SAMD5: variants seen among roughly 807,000 people sequenced by gnomAD.
SAMD5 encodes the protein sterile alpha motif domain containing 5, also known as sterile alpha motif domain-containing protein 5.
A neutral mutation model predicts 11.3 loss-of-function variants in SAMD5; 13 were observed. The ratio of observed to expected loss-of-function variants is 1.15; its 90% confidence interval spans 0.75 to 1.83. The LOEUF (loss-of-function observed/expected upper bound fraction) is 1.83. SAMD5 is among the 40% of genes most tolerant of loss of function. The probability of loss-of-function intolerance (pLI) is 0.00; values close to 1 mark genes in which losing one functional copy is unlikely to be tolerated. For missense variants in SAMD5, 255 were observed against 239.1 expected (o/e 1.07, Z -0.44); for synonymous variants, 129 against 111.3 (o/e 1.16, Z -1.00).
intron 1 of SAMD5, among the ~76,000 whole-genome samples, chr6:147,649,229 T>C (rs1246221050): frequency 1.3e-5 from 2 of 152,162 alleles, no homozygotes; most frequent in Admixed American, 6.6e-5. Flanking sequence ...TTTAGTTTTG[T>C]TTTTCATGGA....
At chr6:147,939,098 T>C in the SAMD5 span, among the ~76,000 whole-genome samples, 1 of 152,164 alleles carries the variant, frequency 6.6e-6, no homozygotes, top group African/African-American at 2.4e-5. Context: ...GTAGACACTT[T>C]ACTTACCATT....
chr6:147,946,259 A>G, the SAMD5 span, among the ~76,000 whole-genome samples: 3 of 152,148 alleles, frequency 2.0e-5, no homozygotes, highest in Non-Finnish European at 4.4e-5. Context: ...TCCCTCTACC[A>G]TCTTGATGTG....
At chr6:147,670,901 C>G (rs1054440730) in intron 1 of SAMD5, among the ~76,000 whole-genome samples, 4 of 152,230 alleles carry the variant, frequency 2.6e-5, no homozygotes, top group African/African-American at 9.6e-5. Flanking sequence ...TCGCATCTTT[C>G]CTGTTTGGCA....
intron 1 of SAMD5, among the ~76,000 whole-genome samples, chr6:147,620,852 G>A (rs1402552740): frequency 6.6e-6 from 1 of 152,098 alleles, no homozygotes; most frequent in African/African-American, 2.4e-5. Flanking sequence ...TGTTGGGACT[G>A]TGTTTGAGGA....
intron 1 of SAMD5, among the ~76,000 whole-genome samples, chr6:147,622,783 G>T (rs971276724): frequency 1.3e-5 from 2 of 152,092 alleles, no homozygotes; most frequent in African/African-American, 2.4e-5. Context: ...CCCAAGACAG[G>T]GTAATTTATA....
the SAMD5 span, among the ~76,000 whole-genome samples, chr6:147,753,560 A>G: frequency 6.6e-6 from 1 of 152,138 alleles, no homozygotes; most frequent in Non-Finnish European, 1.5e-5. Flanking sequence ...TGAGTTACAA[A>G]CAATCCAATT....
At chr6:147,572,648 A>C (rs1307405939), downstream of SAMD5, among the ~76,000 whole-genome samples, 1 of 152,152 alleles carries the variant, frequency 6.6e-6, no homozygotes, top group East Asian at 1.9e-4. Flanking sequence ...ATATATTCCT[A>C]CTGTGAATTA....
chr6:147,529,014 T>C (rs74602109), intron 1 of SAMD5, among the ~76,000 whole-genome samples: 10,063 of 152,282 alleles, frequency 0.066, 926 homozygotes, highest in African/African-American at 0.21. Flanking sequence ...TGTTTCCTTA[T>C]AGATAAATCT....
At chr6:147,681,434 C>T (rs1426148944) in intron 1 of SAMD5, among the ~76,000 whole-genome samples, 1 of 151,746 alleles carries the variant, frequency 6.6e-6, no homozygotes, top group Non-Finnish European at 1.5e-5. Context: ...CACAGTTGTT[C>T]CCTGTTTTCT....
chr6:147,559,459 A>C (rs1374793128), intron 1 of SAMD5, among the ~76,000 whole-genome samples: 1 of 152,152 alleles, frequency 6.6e-6, no homozygotes, highest in Admixed American at 6.5e-5. Flanking sequence ...TATACTTTTC[A>C]TTTGCTGAAA....
chr6:147,922,236 C>T, the SAMD5 span, among the ~76,000 whole-genome samples: 1 of 152,136 alleles, frequency 6.6e-6, no homozygotes, highest in Non-Finnish European at 1.5e-5. Context: ...ACACTTAACC[C>T]TCTCCATGCC....
At chr6:147,570,286 C>G (rs1789116854), downstream of SAMD5, among the ~76,000 whole-genome samples, 1 of 152,026 alleles carries the variant, frequency 6.6e-6, no homozygotes, top group African/African-American at 2.4e-5. Context: ...TGATTCTGTG[C>G]CAGTCATGGT....
the SAMD5 span, among the ~76,000 whole-genome samples, chr6:147,809,642 T>C: frequency 9.9e-5 from 15 of 152,240 alleles, no homozygotes; most frequent in Non-Finnish European, 1.8e-4. Flanking sequence ...TTCTTCTTTC[T>C]TCCATTGGCC....
the SAMD5 span, among the ~76,000 whole-genome samples, chr6:147,954,217 T>C: frequency 6.6e-6 from 1 of 152,262 alleles, no homozygotes; most frequent in African/African-American, 2.4e-5. Context: ...TCGAATTGTA[T>C]TGAATCACAT....
At position 147,555,500 on chromosome 6, in the gene SAMD5, T is replaced by C. The variant is rs547692960; in HGVS notation, c.460-8894T>C. Among the ~76,000 whole-genome samples the C allele has an allele frequency of 5.3e-5, 8 of 152,304 alleles. 1 individual carries two copies. The East Asian group carries it at 1.5e-3, about 29-fold the overall frequency. ...GAAAACTTATACTTGCCCCAGTGAG[T>C]TTGATAGTTTCATACTGCCTAAATA... On this transcript the variant is annotated intron_variant, in intron 1 of 1. Coordinates refer to ENST00000367474, the MANE Select transcript of SAMD5 (RefSeq NM_001030060.3).
the SAMD5 span, among the ~76,000 whole-genome samples, chr6:147,790,111 GA>G: frequency 1.3e-5 from 2 of 152,142 alleles, no homozygotes; most frequent in African/African-American, 4.8e-5. Flanking sequence ...TAAATCCAAA[GA>G]AAATGGCATG....
intron 1 of SAMD5, among the ~76,000 whole-genome samples, chr6:147,648,496 T>C (rs558288677): frequency 4.6e-5 from 7 of 152,292 alleles, no homozygotes; most frequent in African/African-American, 1.4e-4. Flanking sequence ...GTGCATAAAC[T>C]AGTCCACTTC....
chr6:147,677,150 T>C (rs961432501), intron 1 of SAMD5, among the ~76,000 whole-genome samples: 2 of 152,168 alleles, frequency 1.3e-5, no homozygotes, highest in Non-Finnish European at 2.9e-5. Context: ...GTGCTGCGGA[T>C]AGTCATGTCA....
intron 1 of SAMD5, among the ~76,000 whole-genome samples, chr6:147,671,889 A>ATTTTTTTTTTTT (rs56865442): frequency 2.0e-4 from 20 of 98,050 alleles, no homozygotes; most frequent in East Asian, 3.0e-4. Context: ...CTTTTTCAGG[A>ATTTTTTTTTTTT]TTTTTTTTTT....
Sources: gnomAD v4.1 joint callset for allele counts (sites outside exome capture counted in the v4.1 genomes callset) on GRCh38, gnomAD v4.1.1 for gene constraint, MANE v1.5 for transcripts, NCBI Gene and HGNC (gene_info 2026-07-23, HGNC 2026-07-21) for gene names.